The following PLPPR1 variants were observed in gnomAD, a reference collection of about 807,000 sequenced individuals.
The protein encoded by PLPPR1 is phospholipid phosphatase related 1, also known as phospholipid phosphatase-related protein type 1.
PLPPR1 carries 10 observed loss-of-function variants against 33.1 expected under a neutral mutation model. The observed-to-expected ratio is 0.30, with a 90% CI of 0.19 to 0.51. The LOEUF is 0.51. Ranked by LOEUF, PLPPR1 falls within the 20% of genes least tolerant of loss-of-function variation. PLPPR1 has a pLI of 0.97. For missense variants in PLPPR1, 304 were observed against 408.1 expected (o/e 0.74, Z 2.20); for synonymous variants, 151 against 151.0 (o/e 1.00, Z 0.00).
intron 1 of PLPPR1, among the ~76,000 whole-genome samples, chr9:101,127,312 G>T (rs538358937): frequency 6.6e-6 from 1 of 152,322 alleles, no homozygotes; most frequent in South Asian, 2.1e-4. Context: ...GGTCATGGGG[G>T]CAACGAAGTC....
chr9:101,186,839 G>A (rs1186439668), intron 2 of PLPPR1, among the ~76,000 whole-genome samples: 5 of 151,878 alleles, frequency 3.3e-5, no homozygotes, highest in African/African-American at 1.2e-4. Context: ...AAAGATAGGA[G>A]AGAAGGTTGG....
chr9:101,087,382 ATC>A (rs1405282136), intron 1 of PLPPR1, among the ~76,000 whole-genome samples: 1 of 152,088 alleles, frequency 6.6e-6, no homozygotes, highest in Non-Finnish European at 1.5e-5. Context: ...TCTCATTGTC[ATC>A]TTCATTTTTC....
intron 2 of PLPPR1, among the ~76,000 whole-genome samples, chr9:101,233,877 C>T (rs1490119437): frequency 6.6e-6 from 1 of 151,872 alleles, no homozygotes; most frequent in African/African-American, 2.4e-5. Flanking sequence ...ACAAAATTAC[C>T]CTTTAAACAT....
chr9:101,046,739 G>A (rs779554808), intron 1 of PLPPR1, among the ~76,000 whole-genome samples: 37 of 152,126 alleles, frequency 2.4e-4, no homozygotes, highest in Middle Eastern at 3.4e-3. Flanking sequence ...CACTGCACCC[G>A]GGCTACCTCT....
rs116325511 is a variant in PLPPR1, at chr9:101,046,411, C to T, written c.-46+17309C>T. ...ATTTTTCCTTCTCCATCATCTGCTC[C>T]AATTTTTCTTTACCTCTTTTATTCT... On this transcript the variant is annotated intron_variant, in intron 1 of 7. Transcript: ENST00000374874. Among the ~76,000 whole-genome samples, 214 of 150,562 alleles carry T rather than the reference C, an allele frequency of 1.4e-3. 1 individual carries two copies. Among genetic ancestry groups the T allele is most frequent in the African/African-American group, 5.0e-3 (204 of 40,906 alleles).
intron 2 of PLPPR1, among the ~76,000 whole-genome samples, chr9:101,266,269 A>T (rs1340731016): frequency 6.6e-6 from 1 of 151,776 alleles, no homozygotes; most frequent in Non-Finnish European, 1.5e-5. Context: ...TCTACTAAAA[A>T]TACAAAAAAT....
rs116379497 is a variant in PLPPR1, at chr9:101,277,213, C to T, written c.252+7145C>T. 6.8e-3 allele frequency among the ~76,000 whole-genome samples: 1,034 copies of T among 152,206 alleles called. 11 individuals are homozygous for T. The highest frequency in any genetic ancestry group is 0.024 in the African/African-American group (983 of 41,520). On this transcript the variant is annotated intron_variant, in intron 3 of 7. Transcript: ENST00000374874. Reference sequence around the variant, plus strand: ...AGAATATTAGAAGTATCTAAAAATCCGTAAGACTGAGAGCCCTGAAACTAC... The same window carrying T: ...AGAATATTAGAAGTATCTAAAAATCTGTAAGACTGAGAGCCCTGAAACTAC...
At chr9:101,167,476 C>T (rs940669644) in intron 1 of PLPPR1, among the ~76,000 whole-genome samples, 6 of 151,646 alleles carry the variant, frequency 4.0e-5, no homozygotes, top group Non-Finnish European at 7.4e-5. Flanking sequence ...TCTCTCAGGG[C>T]ATTTCCTTTC....
chr9:101,323,469 C>CAAA (rs11339430), intron 7 of PLPPR1, among the ~76,000 whole-genome samples: 1 of 93,794 alleles, frequency 1.1e-5, no homozygotes, highest in African/African-American at 3.6e-5. Flanking sequence ...AACCCTGTCT[C>CAAA]AAAAAAAAAA....
At chr9:101,137,645 C>T (rs1180026356) in intron 1 of PLPPR1, among the ~76,000 whole-genome samples, 3 of 152,052 alleles carry the variant, frequency 2.0e-5, no homozygotes, top group Admixed American at 6.6e-5. Context: ...GACATGGCAG[C>T]CTGGGGTGAA....
intron 2 of PLPPR1, among the ~76,000 whole-genome samples, chr9:101,259,442 A>G (rs1383510428): frequency 1.3e-5 from 2 of 152,166 alleles, no homozygotes; most frequent in East Asian, 3.8e-4. Context: ...GCAAATTGTA[A>G]TAGACTAGGA....
At chr9:101,029,205 C>T (rs1307123103) in intron 1 of PLPPR1, 103 bp downstream of exon 1, 7 of 153,582 alleles carry the variant, frequency 4.6e-5, no homozygotes, top group Admixed American at 3.9e-4. Flanking sequence ...CGCAGGTGTC[C>T]CATGCCTTGC....
chr9:101,207,937 G>A lies in PLPPR1; in HGVS notation c.63+22380G>A, dbSNP rs10115831. Among the ~76,000 whole-genome samples, 1,075 of 152,224 alleles carry A rather than the reference G, an allele frequency of 7.1e-3. 15 individuals are homozygous for A. The highest frequency in any genetic ancestry group is 0.024 in the African/African-American group (996 of 41,542). On this transcript the variant is annotated intron_variant, in intron 2 of 7. Transcript: ENST00000374874. The stretch of plus-strand genomic sequence containing the variant: ...TAGAGGTCCTATTCTACCTACAAAC[G>A]TATTTCATTTGGGTCACACAGTGCT...
At position 101,256,049 on chromosome 9, in the gene PLPPR1, C is replaced by T. The variant is rs1663503389; in HGVS notation, c.64-13831C>T. Among the ~76,000 whole-genome samples the T allele has an allele frequency of 3.3e-5, 5 of 152,120 alleles. No individual in the cohort carries two copies. In the South Asian group the frequency reaches 1.0e-3, roughly 32 times the overall value. ...CCAAGTCCAGTGTTCCATTGCTAAC[C>T]CATTTCTCTGGCCATACACATTTGC... On this transcript the variant is annotated intron_variant, in intron 2 of 7. Coordinates refer to ENST00000374874, the MANE Select transcript of PLPPR1 (RefSeq NM_207299.2).
At chr9:101,132,048 A>G (rs191403304) in intron 1 of PLPPR1, among the ~76,000 whole-genome samples, 1 of 152,342 alleles carries the variant, frequency 6.6e-6, no homozygotes, top group African/African-American at 2.4e-5. Context: ...TATTGGGATT[A>G]TCTTGGTTTT....
chr9:101,139,101 G>A (rs969482565), intron 1 of PLPPR1, among the ~76,000 whole-genome samples: 3 of 151,886 alleles, frequency 2.0e-5, no homozygotes, highest in African/African-American at 7.3e-5. Context: ...TCTTCAAAGG[G>A]TGAAGAAATA....
At chr9:101,099,581 T>C (rs1033011594) in intron 1 of PLPPR1, among the ~76,000 whole-genome samples, 4 of 152,158 alleles carry the variant, frequency 2.6e-5, no homozygotes, top group Non-Finnish European at 5.9e-5. Context: ...CTTTTTTCCC[T>C]TTGCATCATT....
intron 1 of PLPPR1, among the ~76,000 whole-genome samples, chr9:101,080,550 C>T (rs1335778510): frequency 6.6e-6 from 1 of 151,992 alleles, no homozygotes; most frequent in Non-Finnish European, 1.5e-5. Flanking sequence ...AACAAACAAA[C>T]AAGCAAACAA....
At chr9:101,281,930 A>G (rs1056617815) in intron 3 of PLPPR1, among the ~76,000 whole-genome samples, 5 of 152,206 alleles carry the variant, frequency 3.3e-5, no homozygotes, top group Non-Finnish European at 7.4e-5. Flanking sequence ...TCAATAATAT[A>G]CAGTCCCCCA....
Sources: allele counts gnomAD v4.1 joint callset (sites outside exome capture counted in the v4.1 genomes callset), GRCh38; gene constraint gnomAD v4.1.1; transcripts MANE v1.5; gene names NCBI Gene and HGNC (gene_info 2026-07-23, HGNC 2026-07-21).